The following AFF3 variants were observed in gnomAD, a reference collection of about 807,000 sequenced individuals.
AFF3 encodes ALF transcription elongation factor 3.
In AFF3, 32 loss-of-function variants were observed where a neutral mutation model predicts 129.7. The ratio of observed to expected loss-of-function variants is 0.25; its 90% CI spans 0.19 to 0.33. The LOEUF is 0.33. Ranked by LOEUF, AFF3 falls within the 10% of genes least tolerant of loss-of-function variation. AFF3 has a pLI of 1.00. For missense variants in AFF3, 1,373 were observed against 1,592.0 expected (o/e 0.86, Z 2.34); for synonymous variants, 644 against 635.4 (o/e 1.01, Z -0.20).
At position 99,955,825 on chromosome 2, in the gene AFF3, C is replaced by T. The variant is rs139878414; in HGVS notation, c.873+50807G>A. Among the ~76,000 whole-genome samples the T allele has an allele frequency of 3.3e-5, 5 of 152,178 alleles. No homozygotes were observed. In the East Asian group the frequency reaches 9.7e-4, roughly 29 times the overall value. On this transcript the variant is annotated intron_variant, in intron 7 of 24. Transcript: ENST00000672756. Reference sequence around the variant, plus strand: ...GAAGCATAATGTCTTTAAAAGGGTACAAAAATCTCTCCTTTTGGCCTTTTT... The same window carrying T: ...GAAGCATAATGTCTTTAAAAGGGTATAAAAATCTCTCCTTTTGGCCTTTTT...
chr2:100,120,661 T>C (rs1257028166), intron 2 of AFF3, among the ~76,000 whole-genome samples: 1 of 152,156 alleles, frequency 6.6e-6, no homozygotes, highest in Non-Finnish European at 1.5e-5. Flanking sequence ...TCACTCCACC[T>C]TAGCCATTTT....
chr2:99,992,169 G>T (rs1680416819), intron 7 of AFF3, among the ~76,000 whole-genome samples: 1 of 151,914 alleles, frequency 6.6e-6, no homozygotes, highest in South Asian at 2.1e-4. Flanking sequence ...GGAAAGAATG[G>T]TTTAATTAAA....
chr2:99,770,546 CAGA>C (rs1683392230), intron 8 of AFF3, among the ~76,000 whole-genome samples: 1 of 152,142 alleles, frequency 6.6e-6, no homozygotes, highest in Non-Finnish European at 1.5e-5. Flanking sequence ...CTTTTCTAAG[CAGA>C]AGGAGTCTCT....
intron 4 of AFF3, among the ~76,000 whole-genome samples, chr2:100,038,137 C>T (rs968092563): frequency 1.9e-4 from 29 of 152,140 alleles, no homozygotes; most frequent in African/African-American, 7.0e-4. Context: ...CTGCAGCCAT[C>T]AGTCCCCTGC....
chr2:99,568,405 A>T (rs574594276), intron 19 of AFF3, among the ~76,000 whole-genome samples: 1 of 152,352 alleles, frequency 6.6e-6, no homozygotes, highest in East Asian at 1.9e-4. Flanking sequence ...TGCAGATAAT[A>T]GTTTCTGTGT....
chr2:99,987,728 T>A (rs1679993049), intron 7 of AFF3, among the ~76,000 whole-genome samples: 1 of 152,224 alleles, frequency 6.6e-6, no homozygotes, highest in Admixed American at 6.5e-5. Context: ...GGTTCACCTG[T>A]GAGCCTACTC....
At chr2:99,703,394 T>C (rs1677059210) in intron 11 of AFF3, among the ~76,000 whole-genome samples, 1 of 152,204 alleles carries the variant, frequency 6.6e-6, no homozygotes, top group African/African-American at 2.4e-5. Context: ...AGTTTTTTTC[T>C]AGAAGTTCGA....
chr2:99,701,742 G>C (rs1387942898), intron 11 of AFF3, among the ~76,000 whole-genome samples: 2 of 152,206 alleles, frequency 1.3e-5, no homozygotes, highest in Non-Finnish European at 2.9e-5. Context: ...GTAGCTACAC[G>C]TAACAGTCTA....
intron 19 of AFF3, among the ~76,000 whole-genome samples, chr2:99,568,421 A>G (rs1344933666): frequency 1.3e-5 from 2 of 152,254 alleles, no homozygotes; most frequent in Non-Finnish European, 2.9e-5. Flanking sequence ...TGTGTTGTAC[A>G]GTTTCAGAGA....
At chr2:99,681,272 G>C (rs531198693) in intron 11 of AFF3, among the ~76,000 whole-genome samples, 32 of 152,286 alleles carry the variant, frequency 2.1e-4, no homozygotes, top group Admixed American at 7.8e-4. Flanking sequence ...GATGATAGTT[G>C]AGATTCAAAT....
intron 13 of AFF3, among the ~76,000 whole-genome samples, chr2:99,644,049 G>C (rs1454811777): frequency 2.0e-5 from 3 of 152,180 alleles, no homozygotes; most frequent in Non-Finnish European, 4.4e-5. Flanking sequence ...CCCAGCCCCA[G>C]CACAGCACCC....
intron 4 of AFF3, among the ~76,000 whole-genome samples, chr2:100,072,301 T>C (rs1688252849): frequency 6.6e-6 from 1 of 152,084 alleles, no homozygotes; most frequent in South Asian, 2.1e-4. Flanking sequence ...GGAATCTGGG[T>C]TGTGCTCTCT....
chr2:100,105,444 C>T (rs1029117549), intron 3 of AFF3, 60 bp downstream of exon 3: 3 of 1,320,870 alleles, frequency 2.3e-6, no homozygotes, highest in Non-Finnish European at 3.0e-6. Flanking sequence ...CAGTGGTGGT[C>T]CCACCCACCC....
chr2:100,026,155 C>T (rs941151196), intron 4 of AFF3, among the ~76,000 whole-genome samples: 2 of 151,962 alleles, frequency 1.3e-5, no homozygotes, highest in Non-Finnish European at 2.9e-5. Context: ...ATACATCTGA[C>T]AAAGGATTAA....
intron 13 of AFF3, among the ~76,000 whole-genome samples, chr2:99,635,600 C>A (rs1033135462): frequency 2.0e-5 from 3 of 152,082 alleles, no homozygotes; most frequent in African/African-American, 7.2e-5. Context: ...CCACATCTGG[C>A]CAATTTTGTT....
chr2:99,566,262 T>TG (rs1468520356), intron 19 of AFF3, among the ~76,000 whole-genome samples: 19 of 152,126 alleles, frequency 1.2e-4, no homozygotes, highest in African/African-American at 4.6e-4. Context: ...GTTTTTTTTT[T>TG]TTGTTGTTGT....
intron 13 of AFF3, among the ~76,000 whole-genome samples, chr2:99,632,469 T>G (rs976992225): frequency 1.3e-5 from 2 of 152,160 alleles, no homozygotes; most frequent in Non-Finnish European, 2.9e-5. Context: ...TACAGAGGCA[T>G]GGGCGCAAGC....
At chr2:99,731,322 CAA>C (rs749471523) in intron 10 of AFF3, among the ~76,000 whole-genome samples, 1 of 152,174 alleles carries the variant, frequency 6.6e-6, no homozygotes, top group Non-Finnish European at 1.5e-5. Context: ...ATATGAAAGA[CAA>C]GAGGCAAGGT....
At chr2:99,970,897 C>T (rs72953794) in intron 7 of AFF3, among the ~76,000 whole-genome samples, 1,558 of 152,330 alleles carry the variant, frequency 0.01, 26 homozygotes, top group African/African-American at 0.035. Context: ...AACCGTCAAC[C>T]TGGCTTCTCC....
Sources: gnomAD v4.1 joint callset for allele counts (sites outside exome capture counted in the v4.1 genomes callset) on GRCh38, gnomAD v4.1.1 for gene constraint, MANE v1.5 for transcripts, NCBI Gene and HGNC (gene_info 2026-07-23, HGNC 2026-07-21) for gene names.